Variants in PTPRD observed in about 807,000 individuals in gnomAD.
The protein encoded by PTPRD is receptor-type tyrosine-protein phosphatase delta.
A neutral mutation model predicts 214.5 loss-of-function variants in PTPRD; 34 were observed. The ratio of observed to expected loss-of-function variants is 0.16; its 90% CI spans 0.12 to 0.21. The LOEUF is 0.21. Among genes scored for constraint, PTPRD ranks in the 10% least tolerant of loss-of-function variants. The probability of loss-of-function intolerance (pLI) is 1.00; values close to 1 mark genes in which losing one functional copy is unlikely to be tolerated. For synonymous variants in PTPRD, 1,128 were observed against 845.7 expected (o/e 1.33, Z -5.79); for missense variants, 2,545 against 2,398.7 (o/e 1.06, Z -1.27).
chr9:10,135,405 C>G (rs2098935078), intron 3 of PTPRD, among the ~76,000 whole-genome samples: 1 of 151,938 alleles, frequency 6.6e-6, no homozygotes, highest in South Asian at 2.1e-4. Context: ...TATAAGATGG[C>G]CAAACCCAAG....
chr9:9,500,836 T>C (rs1188016791), intron 8 of PTPRD, among the ~76,000 whole-genome samples: 2 of 152,034 alleles, frequency 1.3e-5, no homozygotes, highest in East Asian at 1.9e-4. Flanking sequence ...AGATGTAGAA[T>C]TGAAACATTT....
intron 3 of PTPRD, among the ~76,000 whole-genome samples, chr9:10,156,762 G>T (rs769708763): frequency 2.0e-5 from 3 of 152,152 alleles, no homozygotes; most frequent in Non-Finnish European, 4.4e-5. Context: ...TGTTGCATGG[G>T]AGTCTAAGTC....
At chr9:8,547,147 G>A (rs895216939) in intron 14 of PTPRD, among the ~76,000 whole-genome samples, 2 of 152,036 alleles carry the variant, frequency 1.3e-5, no homozygotes, top group Non-Finnish European at 2.9e-5. Context: ...AATATATAAT[G>A]TACAAAAGTG....
At chr9:9,918,554 A>G (rs903720304) in intron 5 of PTPRD, among the ~76,000 whole-genome samples, 4 of 152,060 alleles carry the variant, frequency 2.6e-5, no homozygotes, top group African/African-American at 7.2e-5. Context: ...AAAAAAAATC[A>G]TAAGATGTAA....
intron 3 of PTPRD, among the ~76,000 whole-genome samples, chr9:10,037,168 G>A (rs2097199790): frequency 6.6e-6 from 1 of 152,132 alleles, no homozygotes; most frequent in Admixed American, 6.6e-5. Flanking sequence ...TGGGATTACA[G>A]CACCATGCAC....
chr9:9,746,299 T>C (rs549914734), intron 6 of PTPRD, among the ~76,000 whole-genome samples: 126 of 152,112 alleles, frequency 8.3e-4, no homozygotes, highest in Non-Finnish European at 1.4e-3. Context: ...GAGGTTTTAA[T>C]CATTACTAGA....
At chr9:9,465,945 G>A (rs915390859) in intron 8 of PTPRD, among the ~76,000 whole-genome samples, 2 of 114,628 alleles carry the variant, frequency 1.7e-5, no homozygotes, top group African/African-American at 5.7e-5. Context: ...ACCACAAATT[G>A]TGCTTATTTT....
intron 35 of PTPRD, among the ~76,000 whole-genome samples, chr9:8,405,514 C>A (rs1182978399): frequency 1.3e-5 from 2 of 151,942 alleles, no homozygotes; most frequent in Non-Finnish European, 2.9e-5. Flanking sequence ...TAAGTAGAAT[C>A]ATCATTTCAA....
rs756391831 is a variant in PTPRD, at chr9:9,794,159, G to GTATA, written c.-367-27312_-367-27309dup. 4.8e-3 allele frequency among the ~76,000 whole-genome samples: 220 copies of GTATA among 46,244 alleles called. 1 individual carries two copies. Among genetic ancestry groups the GTATA allele is most frequent in the Middle Eastern group, 0.016 (1 of 64 alleles). The allele number at this position is 46,244 out of a possible 152,430, so 30.3% of individuals were successfully genotyped here. On this transcript the variant is annotated intron_variant, in intron 5 of 45. Coordinates refer to ENST00000381196, the MANE Select transcript of PTPRD (RefSeq NM_002839.4). ...ATACAATGAATGTATATATGTACAT[G>GTATA]TATATATATATATACATGTATATAT...
chr9:9,902,952 A>G (rs2076739105), intron 5 of PTPRD, among the ~76,000 whole-genome samples: 1 of 152,200 alleles, frequency 6.6e-6, no homozygotes, highest in African/African-American at 2.4e-5. Context: ...ATAAAACTGT[A>G]GCTCACTCTA....
intron 9 of PTPRD, among the ~76,000 whole-genome samples, chr9:9,370,509 G>T (rs938034557): frequency 6.6e-6 from 1 of 151,522 alleles, no homozygotes; most frequent in African/African-American, 2.4e-5. Context: ...AGGAGATTTT[G>T]AGCTGAGATG....
intron 8 of PTPRD, among the ~76,000 whole-genome samples, chr9:9,527,979 C>G (rs2074532242): frequency 6.6e-6 from 1 of 152,056 alleles, no homozygotes; most frequent in African/African-American, 2.4e-5. Context: ...ACTATGATCC[C>G]AAAAAGAATT....
intron 14 of PTPRD, among the ~76,000 whole-genome samples, chr9:8,569,652 A>G (rs1178778283): frequency 2.6e-5 from 4 of 152,142 alleles, no homozygotes; most frequent in Non-Finnish European, 4.4e-5. Context: ...CTTTTCATTT[A>G]TCTAAACTGA....
chr9:8,430,313 A>T (rs1301322283), intron 35 of PTPRD, among the ~76,000 whole-genome samples: 2 of 151,684 alleles, frequency 1.3e-5, no homozygotes, highest in Non-Finnish European at 2.9e-5. Context: ...TCTGTCACCC[A>T]GGCTGCAGTG....
intron 3 of PTPRD, among the ~76,000 whole-genome samples, chr9:10,048,844 A>C (rs1268177839): frequency 6.6e-6 from 1 of 151,966 alleles, no homozygotes. Context: ...TAAATGGTAA[A>C]CTCCCCAAAG....
intron 7 of PTPRD, among the ~76,000 whole-genome samples, chr9:9,599,046 G>T (rs188791282): frequency 6.6e-6 from 1 of 151,944 alleles, no homozygotes; most frequent in Non-Finnish European, 1.5e-5. Context: ...GATGATAAAT[G>T]TTTTTGCCCA....
At chr9:9,680,869 C>G (rs572651089) in intron 7 of PTPRD, among the ~76,000 whole-genome samples, 1 of 151,888 alleles carries the variant, frequency 6.6e-6, no homozygotes, top group Non-Finnish European at 1.5e-5. Flanking sequence ...GAGCACATAT[C>G]TTTTCTTACT....
At chr9:10,427,844 A>G (rs547499955) in intron 2 of PTPRD, among the ~76,000 whole-genome samples, 2 of 152,220 alleles carry the variant, frequency 1.3e-5, no homozygotes, top group African/African-American at 4.8e-5. Context: ...GAATTATTTT[A>G]TGTATTTTAA....
intron 3 of PTPRD, among the ~76,000 whole-genome samples, chr9:10,161,385 A>G (rs1244211077): frequency 6.6e-6 from 1 of 151,882 alleles, no homozygotes. Flanking sequence ...GAACTCAGAT[A>G]TAAACCTAGG....
Sources: gnomAD v4.1 joint callset for allele counts (sites outside exome capture counted in the v4.1 genomes callset) on GRCh38, gnomAD v4.1.1 for gene constraint, MANE v1.5 for transcripts, NCBI Gene and HGNC (gene_info 2026-07-23, HGNC 2026-07-21) for gene names.